AOAH: variants seen among roughly 807,000 people sequenced by gnomAD.
The protein encoded by AOAH is acyloxyacyl hydrolase (neutrophil).
In AOAH, 64 loss-of-function variants were observed where a neutral mutation model predicts 92.2. The observed-to-expected ratio is 0.69, with a 90% confidence interval of 0.57 to 0.86. The LOEUF (loss-of-function observed/expected upper bound fraction) is 0.86, where lower values mean the gene tolerates loss of function less well. Ranked by LOEUF, AOAH falls within the 40% of genes least tolerant of loss-of-function variation. AOAH has a pLI of 0.00. For synonymous variants in AOAH, 263 were observed against 254.5 expected (o/e 1.03, Z -0.32); for missense variants, 656 against 694.6 (o/e 0.94, Z 0.62).
intron 1 of AOAH, among the ~76,000 whole-genome samples, chr7:36,691,244 G>C (rs1382394656): frequency 6.6e-6 from 1 of 152,226 alleles, no homozygotes; most frequent in Non-Finnish European, 1.5e-5. Context: ...GCACATGGAG[G>C]CTGAGTGGAT....
intron 11 of AOAH, among the ~76,000 whole-genome samples, chr7:36,610,149 T>G (rs1583935602): frequency 9.1e-6 from 1 of 109,752 alleles, no homozygotes; most frequent in Admixed American, 1.0e-4. Context: ...AGGAGAATGC[T>G]CCATAATAGC....
intron 1 of AOAH, among the ~76,000 whole-genome samples, chr7:36,719,118 G>A (rs914542467): frequency 8.5e-5 from 13 of 152,170 alleles, no homozygotes; most frequent in Admixed American, 5.9e-4. Context: ...TACCAAACAA[G>A]GATAATGATA....
At chr7:36,711,775 T>C (rs927678682) in intron 1 of AOAH, among the ~76,000 whole-genome samples, 4 of 152,120 alleles carry the variant, frequency 2.6e-5, no homozygotes, top group Non-Finnish European at 5.9e-5. Flanking sequence ...GTGGGTCAGA[T>C]GCAGGGCCAA....
At chr7:36,717,391 T>C (rs538397658) in intron 1 of AOAH, among the ~76,000 whole-genome samples, 1 of 147,176 alleles carries the variant, frequency 6.8e-6, no homozygotes, top group South Asian at 2.3e-4. Context: ...ACCCACCCCT[T>C]AGTCAGTGAA....
intron 2 of AOAH, among the ~76,000 whole-genome samples, chr7:36,677,020 G>T (rs1266764917): frequency 6.6e-6 from 1 of 151,870 alleles, no homozygotes; most frequent in Non-Finnish European, 1.5e-5. Flanking sequence ...TTTGGGTTAG[G>T]CAACGTTTTC....
chr7:36,554,395 T>C (rs1213289254), intron 13 of AOAH, among the ~76,000 whole-genome samples: 1 of 152,230 alleles, frequency 6.6e-6, no homozygotes, highest in Admixed American at 6.5e-5. Flanking sequence ...AGCCTTGTAG[T>C]ATAGTTTGAA....
At chr7:36,525,222 A>T (rs1784343621) in intron 19 of AOAH, among the ~76,000 whole-genome samples, 2 of 152,220 alleles carry the variant, frequency 1.3e-5, no homozygotes, top group Admixed American at 1.3e-4. Flanking sequence ...CATGCCTGAG[A>T]TGGCTAATAA....
chr7:36,638,056 C>A, intron 4 of AOAH, 146 bp from the exon 5 acceptor site: 1 of 688,226 alleles, frequency 1.5e-6, no homozygotes, highest in Non-Finnish European at 2.4e-6. Flanking sequence ...CACAAGAAGG[C>A]AATTTCACAT....
intron 4 of AOAH, among the ~76,000 whole-genome samples, chr7:36,640,552 T>C (rs553065029): frequency 6.6e-6 from 1 of 151,604 alleles, no homozygotes; most frequent in Non-Finnish European, 1.5e-5. Context: ...CAAGTTTAGG[T>C]GTAACAAAGA....
intron 5 of AOAH, among the ~76,000 whole-genome samples, chr7:36,633,640 C>A (rs565192115): frequency 2.6e-5 from 4 of 152,108 alleles, no homozygotes; most frequent in Admixed American, 2.6e-4. Flanking sequence ...GGAGACAGGA[C>A]GGGGAGCAGG....
chr7:36,567,173 C>T (rs1420810513), intron 13 of AOAH, among the ~76,000 whole-genome samples: 1 of 152,196 alleles, frequency 6.6e-6, no homozygotes, highest in African/African-American at 2.4e-5. Context: ...TTCTCTCCAT[C>T]TGCCCAATGC....
chr7:36,707,045 T>C (rs1798458775), intron 1 of AOAH, among the ~76,000 whole-genome samples: 1 of 91,310 alleles, frequency 1.1e-5, no homozygotes, highest in African/African-American at 5.6e-5. Context: ...CTCTTTTCTT[T>C]TTTTTTTTTG....
Position 36,537,519 on chromosome 7 carries a change from T to TTG in AOAH, c.1306+2799_1306+2800insCA, listed in dbSNP as rs1554281685. Among the ~76,000 whole-genome samples, 190 of 147,602 alleles carry TTG rather than the reference T, an allele frequency of 1.3e-3. 1 individual carries two copies. The highest frequency in any genetic ancestry group is 2.4e-3 in the East Asian group (12 of 4,932). ...TGCACCCCTCTTGTTTTTTTTTTTT[T>TTG]TTTGTTTGTTTGTTTTGAGACTGAG... On this transcript the variant is annotated intron_variant, in intron 16 of 20. Coordinates refer to ENST00000617537, the MANE Select transcript of AOAH (RefSeq NM_001637.4).
chr7:36,533,445 G>A (rs76978091), intron 16 of AOAH, among the ~76,000 whole-genome samples: 4,841 of 152,198 alleles, frequency 0.032, 165 homozygotes, highest in Admixed American at 0.073. Flanking sequence ...ATCTCTCTGT[G>A]TAGGTGAGTG....
At chr7:36,571,199 A>G (rs1382703101) in intron 13 of AOAH, among the ~76,000 whole-genome samples, 2 of 152,124 alleles carry the variant, frequency 1.3e-5, no homozygotes, top group South Asian at 2.1e-4. Context: ...AGTGAAATAT[A>G]CAGCACAGGG....
chr7:36,712,088 A>G (rs1219152540), intron 1 of AOAH, among the ~76,000 whole-genome samples: 1 of 152,228 alleles, frequency 6.6e-6, no homozygotes, highest in African/African-American at 2.4e-5. Flanking sequence ...AAATAGAAAG[A>G]GTGAAATTTC....
intron 1 of AOAH, among the ~76,000 whole-genome samples, chr7:36,716,562 T>G (rs2117011091): frequency 6.7e-6 from 1 of 149,028 alleles, no homozygotes; most frequent in South Asian, 2.2e-4. Context: ...AGCAAAGACT[T>G]GGAACCAACC....
rs527302315 is a variant in AOAH, at chr7:36,533,857, C to T, written c.1307-1513G>A. Among the ~76,000 whole-genome samples, 5 of 152,226 alleles carry T rather than the reference C, an allele frequency of 3.3e-5. No homozygotes were observed. The South Asian group carries it at 6.2e-4, about 19-fold the overall frequency. On this transcript the variant is annotated intron_variant, in intron 16 of 20. Coordinates refer to ENST00000617537, the MANE Select transcript of AOAH (RefSeq NM_001637.4). ...GGGCTACCACTGAGTTGCGGCCTTCCGTCTCCCCACCTTCTGTGAGGGCCC... is the reference window on the plus strand; with the variant it reads ...GGGCTACCACTGAGTTGCGGCCTTCTGTCTCCCCACCTTCTGTGAGGGCCC...
At chr7:36,682,145 T>C (rs1159463359) in intron 2 of AOAH, among the ~76,000 whole-genome samples, 1 of 152,228 alleles carries the variant, frequency 6.6e-6, no homozygotes, top group Non-Finnish European at 1.5e-5. Context: ...TAGAAGGAAT[T>C]AGTGGCTAGA....
Sources: gnomAD v4.1 joint callset for allele counts (sites outside exome capture counted in the v4.1 genomes callset) on GRCh38, gnomAD v4.1.1 for gene constraint, MANE v1.5 for transcripts, NCBI Gene and HGNC (gene_info 2026-07-23, HGNC 2026-07-21) for gene names.